DIDO1: variants seen among roughly 807,000 people sequenced by gnomAD.
DIDO1 encodes the protein death inducer-obliterator 1.
In DIDO1, 16 loss-of-function variants were observed where a neutral mutation model predicts 99.4. That is an observed-to-expected ratio of 0.16 (90% CI 0.11 to 0.24). DIDO1 has a LOEUF of 0.24. DIDO1 is among the 10% of genes least tolerant of loss of function. DIDO1 has a pLI of 1.00. For missense variants in DIDO1, 2,996 were observed against 3,014.0 expected, an observed-to-expected ratio of 0.99 and a Z score of 0.14; for synonymous variants, 1,366 against 1,239.1, an observed-to-expected ratio of 1.10 and a Z score of -2.15.
At chr20:62,937,478 C>G in intron 1 of DIDO1, among the ~76,000 whole-genome samples, 1 of 152,268 alleles carries the variant, frequency 6.6e-6, no homozygotes, top group East Asian at 1.9e-4. Context: ...GGCCGCGTCC[C>G]GCCCTTCGGC....
intron 15 of DIDO1, among the ~76,000 whole-genome samples, chr20:62,884,571 G>A (rs1430661743): frequency 6.6e-6 from 1 of 152,194 alleles, no homozygotes; most frequent in African/African-American, 2.4e-5. Context: ...ACTGCTTCAG[G>A]CACCACCATG....
At chr20:62,889,783 G>T (rs1316843478) in intron 15 of DIDO1, 10 of 985,306 alleles carry the variant, frequency 1.0e-5, no homozygotes, top group African/African-American at 1.7e-5. Context: ...ACACACTAAA[G>T]CACTTTGCTT....
chr20:62,906,796 C>T (rs1485722191), intron 5 of DIDO1, among the ~76,000 whole-genome samples: 1 of 152,156 alleles, frequency 6.6e-6, no homozygotes, highest in African/African-American at 2.4e-5. Context: ...CACAGCCTTG[C>T]CCCGAACCCG....
chr20:62,921,906 CAATA>C (rs1214499037), intron 1 of DIDO1, among the ~76,000 whole-genome samples: 1 of 149,008 alleles, frequency 6.7e-6, no homozygotes, highest in African/African-American at 2.5e-5. Context: ...TATATATCCA[CAATA>C]TATATACACT....
Position 62,881,434 on chromosome 20 carries a change from C to T in DIDO1, c.4522G>A (p.Gly1508Arg). The change falls in exon 16 of 16, where the codon GGG (glycine) becomes AGG (arginine). Residue 1508 changes from glycine to arginine, a missense_variant. By Grantham distance (125) the Gly-to-Arg change is moderately radical. Coordinates refer to ENST00000395343, the MANE Select transcript of DIDO1 (RefSeq NM_001193369.2). The surrounding 1 kb of genome is among the most constrained non-coding windows in gnomAD (Gnocchi z 8.3). Reference protein sequence around the residue: ...EALRQQRAAVGVSMAHFSVSD... With the variant: ...EALRQQRAAVRVSMAHFSVSD... ...ACCGAGAAGTGGGCCATGGAGACCC[C>T]GACGGCGGCCCTCTGCTGCCTGAGA... The T allele has an allele frequency of 6.2e-7, 1 of 1,608,794 alleles. No homozygotes were observed. Among genetic ancestry groups the T allele is most frequent in the Non-Finnish European group, 8.5e-7 (1 of 1,179,972 alleles).
chr20:62,882,915 C>CTTTT lies in DIDO1; in HGVS notation c.3542-505_3542-502dup, dbSNP rs10583836. Among the ~76,000 whole-genome samples the CTTTT allele has an allele frequency of 2.6e-3, 215 of 81,346 alleles. 2 individuals carry two copies. The highest frequency in any genetic ancestry group is 3.1e-3 in the Non-Finnish European group (148 of 47,160). 53.4% of individuals were successfully genotyped at this position (81,346 alleles called of 152,430 possible). On this transcript the variant is annotated intron_variant, in intron 15 of 15. Transcript: ENST00000395343. ...CACTGCCAGGAAGGTAACAAACAGC[C>CTTTT]TTTTTTTTTTTTTTTTTTTTTTTTT...
At chr20:62,930,140 T>C (rs2065317709), upstream of DIDO1, among the ~76,000 whole-genome samples, 1 of 151,002 alleles carries the variant, frequency 6.6e-6, no homozygotes, top group South Asian at 2.1e-4. Flanking sequence ...CTCGGGAGGC[T>C]AAGGTAGGAG....
Position 62,894,359 on chromosome 20 carries a change from A to C in DIDO1, c.2572+54T>G. 1 of 1,594,206 alleles carries C rather than the reference A, an allele frequency of 6.3e-7. No individual in the cohort carries two copies. Among genetic ancestry groups the C allele is most frequent in the Non-Finnish European group, 8.5e-7 (1 of 1,171,418 alleles). On this transcript the variant is annotated intron_variant, in intron 11 of 15. Coordinates refer to ENST00000395343, the MANE Select transcript of DIDO1 (RefSeq NM_001193369.2). The surrounding 1 kb of genome is among the most constrained non-coding windows in gnomAD (Gnocchi z 4.4). The stretch of plus-strand genomic sequence containing the variant: ...CTTTTAGGAGGTTCAGTGATTTTTA[A>C]CAAAATCAAGTTTAGTCTCAGCTCC...
In DIDO1 at chr20:62,882,041, C is replaced by G. The variant is rs764398815; in HGVS notation, c.3915G>C (p.Ser1305=). 1.9e-6 allele frequency: 3 copies of G among 1,613,536 alleles called. No homozygotes were observed. Among genetic ancestry groups the G allele is most frequent in the Non-Finnish European group, 2.5e-6 (3 of 1,180,018 alleles). The change falls in exon 16 of 16, where the codon TCG becomes TCC. Residue 1305 remains serine (S), a synonymous_variant. Transcript: ENST00000395343. ...AASTAASSTA[S]SASKTASPLE... is the part of the protein sequence containing the mutation. ...GCGGTGATGCTGTTTTGGAAGCAGACGAAGCGGTGGAGGAAGCTGCCGTGG... is the reference window on the plus strand; with the variant it reads ...GCGGTGATGCTGTTTTGGAAGCAGAGGAAGCGGTGGAGGAAGCTGCCGTGG...
At chr20:62,926,024 G>C (rs978837465) in intron 1 of DIDO1, among the ~76,000 whole-genome samples, 7 of 152,136 alleles carry the variant, frequency 4.6e-5, no homozygotes, top group African/African-American at 1.7e-4. Context: ...AATGCCTAGG[G>C]AAACCAGCTG....
chr20:62,896,209 A>C lies in DIDO1; in HGVS notation c.2214+24T>G. The C allele has an allele frequency of 1.9e-6, 3 of 1,608,244 alleles. No individual in the cohort carries two copies. The highest frequency in any genetic ancestry group is 2.5e-6 in the Non-Finnish European group (3 of 1,177,606). On this transcript the variant is annotated intron_variant, in intron 8 of 15. Transcript: ENST00000395343. This position sits in a 1 kb window ranked among gnomAD's most constrained non-coding sequence, Gnocchi z 4.4. ...CCAGCGAACAGAACAGGAATACTCC[A>C]ATGCACCGACACCAGGCACACACCT... is the stretch of plus-strand genomic sequence containing the variant.
At chr20:62,914,508 T>C (rs960481774) in intron 1 of DIDO1, 102 bp from the exon 2 acceptor site, 1 of 152,182 alleles carries the variant, frequency 6.6e-6, no homozygotes, top group Non-Finnish European at 1.5e-5. Context: ...ATTATTTGAG[T>C]GATACTGTGT....
At position 62,906,057 on chromosome 20, in the gene DIDO1, T is replaced by C. The variant is rs752655123; in HGVS notation, c.1418A>G (p.Glu473Gly). 5 of 1,613,650 alleles carry C rather than the reference T, an allele frequency of 3.1e-6. No homozygotes were observed. Among genetic ancestry groups the C allele is most frequent in the South Asian group, 2.2e-5 (2 of 91,080 alleles). ...ISSVHKRPAP[E>G]KKETTVKKAV... is the part of the protein sequence containing the mutation. ...CTTCTTCACTGTGGTCTCTTTTTTT[T>C]CTGGAGCTGGTCTCTTGTGCACAGA... The change falls in exon 6 of 16, where the codon GAA (glutamate) becomes GGA (glycine). Residue 473 changes from glutamate to glycine, a missense_variant. Transcript: ENST00000395343.
intron 5 of DIDO1, among the ~76,000 whole-genome samples, chr20:62,906,430 CAGG>C (rs998595254): frequency 2.6e-4 from 39 of 152,342 alleles, no homozygotes; most frequent in Admixed American, 2.3e-3. Flanking sequence ...GCCAAGATGA[CAGG>C]AGGAGTGCGG....
At chr20:62,884,598 T>C (rs2064268633) in intron 15 of DIDO1, among the ~76,000 whole-genome samples, 1 of 152,244 alleles carries the variant, frequency 6.6e-6, no homozygotes, top group Non-Finnish European at 1.5e-5. Context: ...TAAGTACATC[T>C]GTTGTTCATC....
intron 4 of DIDO1, 32 bp from the exon 5 acceptor site, chr20:62,907,391 G>A: frequency 3.1e-6 from 5 of 1,600,908 alleles, no homozygotes; most frequent in Non-Finnish European, 4.3e-6. Flanking sequence ...TTCAAACAAT[G>A]TACTTGCCAA....
chr20:62,923,014 G>C (rs962090425), intron 1 of DIDO1, among the ~76,000 whole-genome samples: 7 of 152,050 alleles, frequency 4.6e-5, no homozygotes, highest in Non-Finnish European at 7.4e-5. Flanking sequence ...TGTTGGGGGT[G>C]GGGGGTGGAC....
Position 62,879,679 on chromosome 20 carries a change from C to G in DIDO1, c.6277G>C (p.Val2093Leu), listed in dbSNP as rs753190965. ...TCCAGCGGCTTCTCTTTGGGCCCCA[C>G]GTCAAACCGCTCTCTCTGCCTCCCT... Reference protein sequence around the residue: ...FEGRQRERFDVGPKEKPLEEP... With the variant: ...FEGRQRERFDLGPKEKPLEEP... Residue 2093 changes from valine (V) to leucine (L), a missense_variant, in exon 16 of 16, where the codon GTG becomes CTG. Transcript: ENST00000395343. This position sits in a 1 kb window ranked among gnomAD's most constrained non-coding sequence, Gnocchi z 6.3. The G allele has an allele frequency of 1.3e-5, 21 of 1,609,754 alleles. No homozygotes were observed. Among genetic ancestry groups the G allele is most frequent in the Non-Finnish European group, 1.7e-5 (20 of 1,179,806 alleles).
chr20:62,893,288 C>T (rs1232747778), intron 12 of DIDO1, among the ~76,000 whole-genome samples: 1 of 152,180 alleles, frequency 6.6e-6, no homozygotes. Flanking sequence ...CAGGTGTGAG[C>T]CACTGTGCCC....
Sources: allele counts gnomAD v4.1 joint callset (sites outside exome capture counted in the v4.1 genomes callset), GRCh38; gene constraint gnomAD v4.1.1; non-coding constraint Gnocchi (gnomAD v3.1); transcripts MANE v1.5; gene names NCBI Gene and HGNC (gene_info 2026-07-23, HGNC 2026-07-21).